Variants in PCDHGA5 observed in about 807,000 individuals in gnomAD.
The protein encoded by PCDHGA5 is protocadherin gamma-A5.
A neutral mutation model predicts 56.7 loss-of-function variants in PCDHGA5; 36 were observed. That is an observed-to-expected ratio of 0.64 (90% confidence interval 0.49 to 0.84). The LOEUF is 0.84. Ranked by LOEUF, PCDHGA5 falls within the 40% of genes least tolerant of loss-of-function variation. PCDHGA5 has a pLI of 0.00. For synonymous variants in PCDHGA5, 563 were observed against 520.2 expected, an observed-to-expected ratio of 1.08 and a Z score of -1.12; for missense variants, 1,305 against 1,201.5, an observed-to-expected ratio of 1.09 and a Z score of -1.27.
At position 141,491,196 on chromosome 5, in the gene PCDHGA5, T is replaced by C. The variant is rs899789155; in HGVS notation, c.2422-3611T>C. ...TGGTGGTCCTGGTGAGGGACAATGGTGACCCTTCACTCTCCTCCACAGCCA... is the reference window on the plus strand; with the variant it reads ...TGGTGGTCCTGGTGAGGGACAATGGCGACCCTTCACTCTCCTCCACAGCCA... On this transcript the variant is annotated intron_variant, in intron 1 of 3. Transcript: ENST00000518069. The surrounding 1 kb of genome is among the most constrained non-coding windows in gnomAD (Gnocchi z 6.9). The C allele has an allele frequency of 6.8e-6, 11 of 1,614,186 alleles. No homozygotes were observed. The highest frequency in any genetic ancestry group is 9.3e-6 in the Non-Finnish European group (11 of 1,180,030).
intron 1 of PCDHGA5, among the ~76,000 whole-genome samples, chr5:141,464,221 C>T (rs570804761): frequency 2.9e-4 from 44 of 149,624 alleles, no homozygotes; most frequent in African/African-American, 9.6e-4. Flanking sequence ...GCTGAGATTG[C>T]GCCACTGCAC....
intron 1 of PCDHGA5, chr5:141,374,947 C>T (rs768274787): frequency 6.2e-7 from 1 of 1,614,018 alleles, no homozygotes; most frequent in East Asian, 2.2e-5. Context: ...CAGAAAAGAT[C>T]TCACAAATTT....
chr5:141,429,377 GTT>G (rs566693637), intron 1 of PCDHGA5, among the ~76,000 whole-genome samples: 7 of 149,436 alleles, frequency 4.7e-5, no homozygotes, highest in African/African-American at 1.7e-4. Flanking sequence ...GAGAAAATGT[GTT>G]TTTTTTTTAA....
chr5:141,419,012 A>C (rs1422133011), intron 1 of PCDHGA5: 1 of 1,613,986 alleles, frequency 6.2e-7, no homozygotes. Context: ...AGTCAGGTGT[A>C]GCTTAAGTAG....
At chr5:141,401,417 G>A (rs1404967672) in intron 1 of PCDHGA5, among the ~76,000 whole-genome samples, 1 of 152,136 alleles carries the variant, frequency 6.6e-6, no homozygotes, top group Non-Finnish European at 1.5e-5. Flanking sequence ...GAAAGAGAGA[G>A]ACTGATTCAC....
Position 141,487,367 on chromosome 5 carries a change from G to A in PCDHGA5, c.2422-7440G>A. 1 of 1,614,204 alleles carries A rather than the reference G, an allele frequency of 6.2e-7. No individual in the cohort carries two copies. The highest frequency in any genetic ancestry group is 8.5e-7 in the Non-Finnish European group (1 of 1,180,030). ...CACATGCTTTCCTGCTGGCACCTGT[G>A]CCTGTCTCACCAGATCTCGAAGGAG... On this transcript the variant is annotated intron_variant, in intron 1 of 3. Coordinates refer to ENST00000518069, the MANE Select transcript of PCDHGA5 (RefSeq NM_018918.3). This position sits in a 1 kb window ranked among gnomAD's most constrained non-coding sequence, Gnocchi z 5.0.
rs758855393 is a variant in PCDHGA5 at position 141,364,349 on chromosome 5, G to T, written c.19G>T (p.Gly7Cys). The T allele has an allele frequency of 6.5e-6, 10 of 1,549,456 alleles. No homozygotes were observed. Among genetic ancestry groups the T allele is most frequent in the Middle Eastern group, 1.7e-4 (1 of 5,742 alleles). Reference protein sequence around the residue: MASPPRGWGCGELLLPF... With the variant: MASPPRCWGCGELLLPF... ...GAAGGCAATGGCGAGTCCACCTAGG[G>T]GCTGGGGCTGCGGAGAGCTGCTGCT... is the stretch of plus-strand genomic sequence containing the variant. Residue 7 changes from glycine (G) to cysteine (C), a missense_variant, in exon 1 of 4, where the codon GGC becomes TGC. By Grantham distance (159) the Gly-to-Cys change is radical. Transcript: ENST00000518069.
In PCDHGA5 at chr5:141,405,021, C is replaced by T. The variant is rs188043964; in HGVS notation, c.2421+38270C>T. The T allele has an allele frequency of 2.9e-5, 46 of 1,613,980 alleles. No homozygotes were observed. Among genetic ancestry groups the T allele is most frequent in the Non-Finnish European group, 3.7e-5 (44 of 1,179,862 alleles). On this transcript the variant is annotated intron_variant, in intron 1 of 3. Coordinates refer to ENST00000518069, the MANE Select transcript of PCDHGA5 (RefSeq NM_018918.3). ...GCAGACCTGGAGGCCTCAGACCTTA[C>T]CCTCTACCTCGTTGTGGCTGTGGCA...
At position 141,458,567 on chromosome 5, in the gene PCDHGA5, T is replaced by TTTTG. The variant is rs144471304; in HGVS notation, c.2422-36224_2422-36221dup. Among the ~76,000 whole-genome samples the TTTTG allele has an allele frequency of 8.6e-5, 13 of 151,610 alleles. No individual in the cohort carries two copies. The East Asian group carries it at 1.5e-3, about 18-fold the overall frequency. On this transcript the variant is annotated intron_variant, in intron 1 of 3. Coordinates refer to ENST00000518069, the MANE Select transcript of PCDHGA5 (RefSeq NM_018918.3). ...TTGTTTGTTTGTTTTGGTTTTGGGT[T>TTTTG]TTTGTTTGTTTGTTTGTTTTGGAGA...
intron 1 of PCDHGA5, chr5:141,417,908 C>G (rs1255727429): frequency 6.3e-7 from 1 of 1,597,500 alleles, no homozygotes; most frequent in Non-Finnish European, 8.5e-7. Context: ...GCGGCAGGTA[C>G]TATTTCCTTT....
chr5:141,405,319 GC>G, intron 1 of PCDHGA5: 1 of 1,614,176 alleles, frequency 6.2e-7, no homozygotes, highest in Non-Finnish European at 8.5e-7. Context: ...AGAAAAATGA[GC>G]CTTTGTGCGT....
At chr5:141,421,318 C>A (rs370020854) in intron 1 of PCDHGA5, 1 of 1,613,822 alleles carries the variant, frequency 6.2e-7, no homozygotes. Context: ...CCGGGCCAGG[C>A]AGATCCGATA....
At chr5:141,453,319 G>T (rs2098762311) in intron 1 of PCDHGA5, among the ~76,000 whole-genome samples, 1 of 151,492 alleles carries the variant, frequency 6.6e-6, no homozygotes, top group Admixed American at 6.6e-5. Flanking sequence ...TTATTTTAGA[G>T]ATGGGGTCTC....
rs747311878 is a variant in PCDHGA5 at position 141,365,419 on chromosome 5, A to G, written c.1089A>G (p.Gly363=). The G allele has an allele frequency of 2.5e-6, 4 of 1,613,996 alleles. No individual in the cohort carries two copies. The highest frequency in any genetic ancestry group is 3.4e-6 in the Non-Finnish European group (4 of 1,179,886). The change falls in exon 1 of 4, where the codon GGA becomes GGG. Residue 363 remains glycine (G), a synonymous_variant. Coordinates refer to ENST00000518069, the MANE Select transcript of PCDHGA5 (RefSeq NM_018918.3). ...TSSISEDCLP[G]TVIALFSVHD... ...CGATCTCTGAAGACTGTCTTCCCGGAACTGTAATCGCGCTGTTTAGCGTAC... is the reference window on the plus strand; with the variant it reads ...CGATCTCTGAAGACTGTCTTCCCGGGACTGTAATCGCGCTGTTTAGCGTAC...
intron 1 of PCDHGA5, among the ~76,000 whole-genome samples, chr5:141,382,057 G>A (rs1777911677): frequency 6.6e-6 from 1 of 151,794 alleles, no homozygotes; most frequent in Non-Finnish European, 1.5e-5. Flanking sequence ...TCAAGCTCCC[G>A]ACCTCAGGTG....
chr5:141,374,409 T>C (rs1392651465), intron 1 of PCDHGA5: 24 of 1,613,920 alleles, frequency 1.5e-5, no homozygotes, highest in Non-Finnish European at 1.9e-5. Context: ...TTTAACATCC[T>C]TGTCGAGGAT....
At chr5:141,396,795 G>T (rs1022475514) in intron 1 of PCDHGA5, among the ~76,000 whole-genome samples, 1 of 152,180 alleles carries the variant, frequency 6.6e-6, no homozygotes, top group Admixed American at 6.5e-5. Context: ...ATTTCCTAAG[G>T]ATTGTGTAGT....
At chr5:141,376,944 C>T (rs1773563928) in intron 1 of PCDHGA5, 1 of 167,020 alleles carries the variant, frequency 6.0e-6, no homozygotes, top group Non-Finnish European at 1.3e-5. Context: ...GCCTCGGCCT[C>T]CCAAAGTGCT....
At chr5:141,418,549 C>A in intron 1 of PCDHGA5, 1 of 1,614,024 alleles carries the variant, frequency 6.2e-7, no homozygotes, top group Non-Finnish European at 8.5e-7. Context: ...AGATAAGAAT[C>A]CTGGTAATAG....
Sources: allele counts gnomAD v4.1 joint callset (sites outside exome capture counted in the v4.1 genomes callset), GRCh38; gene constraint gnomAD v4.1.1; non-coding constraint Gnocchi (gnomAD v3.1); transcripts MANE v1.5; gene names NCBI Gene and HGNC (gene_info 2026-07-23, HGNC 2026-07-21).